Variants in BPTF observed in about 807,000 individuals in gnomAD.
BPTF encodes the protein nucleosome-remodeling factor subunit BPTF.
Under a neutral mutation model 292.5 loss-of-function variants are expected in BPTF, and 18 were observed. The observed-to-expected ratio is 0.06, with a 90% CI of 0.04 to 0.09. BPTF has a LOEUF of 0.09. Among genes scored for constraint, BPTF ranks in the 10% least tolerant of loss-of-function variants. The pLI is 1.00. For missense variants in BPTF, 2,726 were observed against 3,498.7 expected (o/e 0.78, Z 5.57); for synonymous variants, 1,225 against 1,251.9 (o/e 0.98, Z 0.45).
rs771774204 is a variant in BPTF, at chr17:67,912,693, C to G, written c.4809C>G (p.Ile1603Met). 3.1e-6 allele frequency: 5 copies of G among 1,614,018 alleles called. No individual in the cohort carries two copies. In the East Asian group the frequency reaches 6.7e-5, roughly 22 times the overall value. Reference protein sequence around the residue: ...STVATESKTVIKVEKGDKQTV... With the variant: ...STVATESKTVMKVEKGDKQTV... Reference sequence around the variant, plus strand: ...TGGCCACAGAATCAAAAACTGTGATCAAGGTAGAAAAAGGCGATAAGCAAA... The same window carrying G: ...TGGCCACAGAATCAAAAACTGTGATGAAGGTAGAAAAAGGCGATAAGCAAA... Residue 1603 changes from isoleucine to methionine, a missense_variant, in exon 11 of 28, where the codon ATC becomes ATG. Transcript: ENST00000306378.
intron 24 of BPTF, 119 bp downstream of exon 24, chr17:67,959,994 A>G (rs1460411523): frequency 4.9e-6 from 4 of 808,930 alleles, no homozygotes; most frequent in Non-Finnish European, 7.5e-6. Context: ...TTTAAGAGTA[A>G]TGTTTCATCC....
intron 26 of BPTF, among the ~76,000 whole-genome samples, chr17:67,972,320 C>A (rs933895994): frequency 1.3e-5 from 2 of 152,134 alleles, no homozygotes; most frequent in Non-Finnish European, 2.9e-5. Flanking sequence ...ACTGCAACCT[C>A]TGCCACCCGG....
In BPTF at chr17:67,912,966, A is replaced by G. The variant is rs1306503513; in HGVS notation, c.5082A>G (p.Ser1694=). The change falls in exon 11 of 28, where the codon TCA becomes TCG. Residue 1694 remains serine (S), a synonymous_variant. Transcript: ENST00000306378. ...TRDKVKLMKF[S]RPKKTRSGTA... The stretch of plus-strand genomic sequence containing the variant: ...ACAAAGTGAAACTGATGAAATTTTC[A>G]AGACCAAAGAAGACTCGTTCAGGTA... 6.2e-7 allele frequency: 1 copy of G among 1,614,090 alleles called. No individual in the cohort carries two copies. Among genetic ancestry groups the G allele is most frequent in the African/African-American group, 1.3e-5 (1 of 74,940 alleles).
intron 15 of BPTF, among the ~76,000 whole-genome samples, chr17:67,925,276 A>G (rs574166539): frequency 6.6e-6 from 1 of 152,256 alleles, no homozygotes; most frequent in Non-Finnish European, 1.5e-5. Context: ...TCTGTAGTCT[A>G]TGAAAAAGCA....
chr17:67,825,884 G>A lies in BPTF; in HGVS notation c.160G>A (p.Ala54Thr). 9.9e-7 allele frequency: 1 copy of A among 1,015,224 alleles called. No individual in the cohort carries two copies. Among genetic ancestry groups the A allele is most frequent in the Non-Finnish European group, 1.2e-6 (1 of 851,206 alleles). 62.9% of individuals were successfully genotyped at this position (1,015,224 alleles called of 1,614,324 possible). ...CAGCAGCCGGGGCAGGTGGGCCGCCGCCCAGGCTGAGGTGGCGCCCAAGAC... is the reference window on the plus strand; with the variant it reads ...CAGCAGCCGGGGCAGGTGGGCCGCCACCCAGGCTGAGGTGGCGCCCAAGAC... Reference protein sequence around the residue: ...RGSSRGRWAAAQAEVAPKTRL... With the variant: ...RGSSRGRWAATQAEVAPKTRL... Residue 54 changes from alanine (A) to threonine (T), a missense_variant, in exon 1 of 28, where the codon GCC becomes ACC. By Grantham distance (58) the Ala-to-Thr change is moderately conservative. Transcript: ENST00000306378.
chr17:67,971,887 A>G (rs62086043), intron 26 of BPTF, among the ~76,000 whole-genome samples: 34,970 of 151,320 alleles, frequency 0.23, 4,647 homozygotes, highest in East Asian at 0.68. Flanking sequence ...ACCAGCTTCC[A>G]CTAATAGTGT....
chr17:67,960,447 C>G (rs1555683494), intron 24 of BPTF: 1 of 152,204 alleles, frequency 6.6e-6, no homozygotes, highest in Non-Finnish European at 1.5e-5. Context: ...TTCCTTTCCC[C>G]CATTCCTCAA....
Position 67,912,544 on chromosome 17 carries a change from G to C in BPTF, c.4660G>C (p.Glu1554Gln). ...TTCATCACCTATTACTTCTGAAGAG[G>C]AATCTAATCTCAGTAATGACTTTAT... ...VTSSPITSEE[E>Q]SNLSNDFIDE... Residue 1554 changes from glutamate to glutamine, a missense_variant, in exon 11 of 28, where the codon GAA (glutamate) becomes CAA (glutamine). Around this residue, in one of 22 missense-constraint regions of BPTF, gnomAD observed 144 missense variants for 177.2 expected, o/e 0.81. Coordinates refer to ENST00000306378, the MANE Select transcript of BPTF (RefSeq NM_182641.4). The C allele has an allele frequency of 6.2e-7, 1 of 1,613,948 alleles. No individual in the cohort carries two copies. The highest frequency in any genetic ancestry group is 8.5e-7 in the Non-Finnish European group (1 of 1,179,936).
chr17:67,952,199 T>G (rs1555678807), intron 23 of BPTF, among the ~76,000 whole-genome samples: 1 of 152,172 alleles, frequency 6.6e-6, no homozygotes, highest in East Asian at 1.9e-4. Context: ...AATTTTAATT[T>G]TATAAGATAT....
At position 67,928,523 on chromosome 17, in the gene BPTF, G is replaced by C; in HGVS notation, c.5920G>C (p.Ala1974Pro). 1 of 1,614,086 alleles carries C rather than the reference G, an allele frequency of 6.2e-7. No homozygotes were observed. The highest frequency in any genetic ancestry group is 8.5e-7 in the Non-Finnish European group (1 of 1,179,996). ...MVLTTKVGSP[A>P]TVTFQQNKNF... Reference sequence around the variant, plus strand: ...ACTAACTACTAAAGTTGGATCTCCAGCTACAGTAACATTCCAACAAAACAA... The same window carrying C: ...ACTAACTACTAAAGTTGGATCTCCACCTACAGTAACATTCCAACAAAACAA... Residue 1974 changes from alanine (A) to proline (P), a missense_variant, in exon 16 of 28, where the codon GCT becomes CCT. Ala to Pro is a conservative substitution (Grantham distance 27). Transcript: ENST00000306378.
Position 67,854,185 on chromosome 17 carries a change from C to A in BPTF, c.859C>A (p.His287Asn). The A allele has an allele frequency of 6.2e-7, 1 of 1,614,164 alleles. No individual in the cohort carries two copies. The highest frequency in any genetic ancestry group is 8.5e-7 in the Non-Finnish European group (1 of 1,180,028). The stretch of plus-strand genomic sequence containing the variant: ...GCAGTGCACACTCATGGCAGAGATG[C>A]ATGTTGTGCTTTTGAAAGCAGTTCT... ...QEQCTLMAEM[H>N]VVLLKAVLRE... is the part of the protein sequence containing the mutation. Residue 287 changes from histidine (H) to asparagine (N), a missense_variant, in exon 2 of 28, where the codon CAT becomes AAT. Physicochemically the swap from His to Asn is moderately conservative, Grantham distance 68. Coordinates refer to ENST00000306378, the MANE Select transcript of BPTF (RefSeq NM_182641.4). The surrounding 1 kb of genome is among the most constrained non-coding windows in gnomAD (Gnocchi z 5.6).
chr17:67,884,192 C>T (rs1351842705), intron 4 of BPTF, among the ~76,000 whole-genome samples: 1 of 147,092 alleles, frequency 6.8e-6, no homozygotes, highest in Non-Finnish European at 1.5e-5. Flanking sequence ...GGCTGTAGTG[C>T]AGTGGCGCAA....
At chr17:67,964,451 T>C (rs1402572210) in intron 25 of BPTF, 47 bp downstream of exon 25, 3 of 1,545,876 alleles carry the variant, frequency 1.9e-6, no homozygotes, top group Admixed American at 3.8e-5. Flanking sequence ...TCAGCCAGCA[T>C]AATTTTGGAA....
chr17:67,845,225 C>T (rs1282311208), intron 1 of BPTF, among the ~76,000 whole-genome samples: 2 of 152,164 alleles, frequency 1.3e-5, no homozygotes, highest in African/African-American at 4.8e-5. Context: ...GTATCTTTCA[C>T]CTTTGAAAGT....
intron 2 of BPTF, among the ~76,000 whole-genome samples, chr17:67,858,643 C>T (rs1484581290): frequency 6.6e-6 from 1 of 151,756 alleles, no homozygotes; most frequent in East Asian, 1.9e-4. Context: ...GAGCCCGGTG[C>T]TTGTACTCTG....
intron 1 of BPTF, among the ~76,000 whole-genome samples, chr17:67,834,010 C>T (rs1278543029): frequency 6.6e-6 from 1 of 152,116 alleles, no homozygotes. Flanking sequence ...CTTATTTCTT[C>T]TCTTCATCTC....
chr17:67,951,192 CCTCTCT>C (rs143960583), intron 23 of BPTF: 1 of 150,606 alleles, frequency 6.6e-6, no homozygotes, highest in Non-Finnish European at 1.5e-5. Flanking sequence ...TAACCTTCAG[CCTCTCT>C]CTCTCTCTCT....
chr17:67,950,686 A>T (rs2066267351), intron 23 of BPTF, among the ~76,000 whole-genome samples: 1 of 151,874 alleles, frequency 6.6e-6, no homozygotes, highest in Admixed American at 6.6e-5. Context: ...AAAAATACAA[A>T]AAAATTAGTC....
chr17:67,870,188 G>C (rs2145593352), intron 3 of BPTF, among the ~76,000 whole-genome samples: 1 of 152,012 alleles, frequency 6.6e-6, no homozygotes, highest in South Asian at 2.1e-4. Flanking sequence ...ATGGAAATAA[G>C]GTGAGTTGTA....
Sources: allele counts gnomAD v4.1 joint callset (sites outside exome capture counted in the v4.1 genomes callset), GRCh38; gene constraint gnomAD v4.1.1; regional missense constraint gnomAD v4.1.1; non-coding constraint Gnocchi (gnomAD v3.1); transcripts MANE v1.5; gene names NCBI Gene and HGNC (gene_info 2026-07-23, HGNC 2026-07-21).